Variants in GTF2F2 observed in about 807,000 individuals in gnomAD.
The protein encoded by GTF2F2 is general transcription factor IIF subunit 2, also known as ATP-dependent helicase GTF2F2.
A neutral mutation model predicts 42.2 loss-of-function variants in GTF2F2; 23 were observed. The ratio of observed to expected loss-of-function variants is 0.55; its 90% CI spans 0.39 to 0.77. GTF2F2 has a LOEUF of 0.77. GTF2F2 is among the 30% of genes least tolerant of loss of function. The probability of loss-of-function intolerance (pLI) is 0.00; values close to 1 mark genes in which losing one functional copy is unlikely to be tolerated. For synonymous variants in GTF2F2, 105 were observed against 100.8 expected (o/e 1.04, Z -0.25); for missense variants, 261 against 287.2 (o/e 0.91, Z 0.66).
At chr13:45,255,957 G>A (rs1259997730) in intron 6 of GTF2F2, among the ~76,000 whole-genome samples, 1 of 152,090 alleles carries the variant, frequency 6.6e-6, no homozygotes, top group Non-Finnish European at 1.5e-5. Flanking sequence ...TAGCAGTTTT[G>A]TGTCTAGGAA....
intron 4 of GTF2F2, among the ~76,000 whole-genome samples, chr13:45,182,324 T>G (rs1338070085): frequency 2.0e-5 from 3 of 152,014 alleles, no homozygotes; most frequent in African/African-American, 7.3e-5. Flanking sequence ...CTAACTTTTG[T>G]TACCTCAGGT....
intron 4 of GTF2F2, among the ~76,000 whole-genome samples, chr13:45,205,417 T>C (rs950299435): frequency 1.3e-5 from 2 of 152,214 alleles, no homozygotes; most frequent in African/African-American, 2.4e-5. Flanking sequence ...GAGATTTGGC[T>C]GGGGACACAG....
At chr13:45,194,250 T>A in intron 4 of GTF2F2, 1 of 1,614,150 alleles carries the variant, frequency 6.2e-7, no homozygotes, top group Admixed American at 1.7e-5. Context: ...GAAGTTGATT[T>A]TCTCGAAACC....
chr13:45,149,561 C>T (rs1430086660), intron 2 of GTF2F2, among the ~76,000 whole-genome samples: 1 of 151,920 alleles, frequency 6.6e-6, no homozygotes, highest in Non-Finnish European at 1.5e-5. Context: ...CTCATAATAT[C>T]CAAAATAATG....
chr13:45,245,696 T>TAC (rs1234179773), intron 5 of GTF2F2, among the ~76,000 whole-genome samples: 2 of 63,540 alleles, frequency 3.1e-5, no homozygotes, highest in Non-Finnish European at 5.7e-5. Context: ...TATATATATA[T>TAC]ATATACATAT....
chr13:45,236,789 T>C (rs911689535), intron 5 of GTF2F2, among the ~76,000 whole-genome samples: 1 of 152,292 alleles, frequency 6.6e-6, no homozygotes, highest in South Asian at 2.1e-4. Flanking sequence ...AGAAGAGGAA[T>C]AAAACAGTTA....
Position 45,284,146 on chromosome 13 carries a change from T to G in GTF2F2, c.*585T>G, listed in dbSNP as rs963666514. On this transcript the variant is annotated 3_prime_UTR_variant, in exon 8 of 8. Transcript: ENST00000340473. Reference sequence around the variant, plus strand: ...TTGGCTTATTTTACCGTAGTGATGCTGAGATGAGAAATGTGCAGGATCATG... The same window carrying G: ...TTGGCTTATTTTACCGTAGTGATGCGGAGATGAGAAATGTGCAGGATCATG... 5.9e-5 allele frequency: 9 copies of G among 152,238 alleles called. No individual in the cohort carries two copies. The highest frequency in any genetic ancestry group is 1.2e-4 in the African/African-American group (5 of 41,450). 9.4% of individuals were successfully genotyped at this position (152,238 alleles called of 1,614,324 possible). A position where few individuals can be genotyped will look rare whatever the true frequency, so the allele number is the denominator to read the frequency against.
chr13:45,267,810 A>ATTT (rs201281124), intron 7 of GTF2F2, among the ~76,000 whole-genome samples: 2 of 121,758 alleles, frequency 1.6e-5, no homozygotes, highest in Admixed American at 8.3e-5. Context: ...TTTTCTGTGG[A>ATTT]TTTTTTTTTT....
At chr13:45,137,187 G>C (rs1869674042) in intron 2 of GTF2F2, among the ~76,000 whole-genome samples, 1 of 152,198 alleles carries the variant, frequency 6.6e-6, no homozygotes, top group Non-Finnish European at 1.5e-5. Context: ...CTTTGCCACT[G>C]TACCACTGGG....
chr13:45,238,683 G>T (rs547158213), intron 5 of GTF2F2, among the ~76,000 whole-genome samples: 1 of 152,016 alleles, frequency 6.6e-6, no homozygotes, highest in Non-Finnish European at 1.5e-5. Context: ...AGTGGCTCAC[G>T]CCTGTAATCC....
chr13:45,133,804 C>T (rs1485683418), intron 1 of GTF2F2, among the ~76,000 whole-genome samples: 1 of 152,184 alleles, frequency 6.6e-6, no homozygotes, highest in Non-Finnish European at 1.5e-5. Context: ...TTCAAGCTAG[C>T]CCACCCCTTT....
At chr13:45,136,020 A>C (rs923731072) in intron 1 of GTF2F2, among the ~76,000 whole-genome samples, 3 of 152,260 alleles carry the variant, frequency 2.0e-5, no homozygotes, top group African/African-American at 7.2e-5. Flanking sequence ...CAGTTACAAC[A>C]CAATATAGTG....
chr13:45,228,330 A>C (rs1356006003), intron 5 of GTF2F2, among the ~76,000 whole-genome samples: 3 of 126,176 alleles, frequency 2.4e-5, no homozygotes, highest in African/African-American at 3.5e-5. Context: ...GTTGCCAGAA[A>C]ACAAGGTGAC....
chr13:45,154,176 A>G (rs1419375352), intron 4 of GTF2F2, among the ~76,000 whole-genome samples: 3 of 151,972 alleles, frequency 2.0e-5, no homozygotes, highest in Non-Finnish European at 4.4e-5. Flanking sequence ...AGGTAGAGAA[A>G]CTTGAACTTT....
chr13:45,201,846 A>G (rs1378371493), intron 4 of GTF2F2, among the ~76,000 whole-genome samples: 1 of 152,200 alleles, frequency 6.6e-6, no homozygotes, highest in Non-Finnish European at 1.5e-5. Flanking sequence ...ATATGAATTG[A>G]GCCATTCCAA....
intron 2 of GTF2F2, among the ~76,000 whole-genome samples, chr13:45,142,207 C>T (rs1336814168): frequency 1.3e-5 from 2 of 152,342 alleles, no homozygotes; most frequent in African/African-American, 4.8e-5. Context: ...GGCTCTGTTG[C>T]CCAGGCTGGA....
At chr13:45,249,661 A>C (rs566540456) in intron 5 of GTF2F2, among the ~76,000 whole-genome samples, 19 of 152,208 alleles carry the variant, frequency 1.2e-4, no homozygotes, top group Non-Finnish European at 1.6e-4. Context: ...CAATCATTTA[A>C]TATGGAAGGA....
intron 3 of GTF2F2, among the ~76,000 whole-genome samples, chr13:45,150,886 A>G (rs1479802052): frequency 6.6e-6 from 1 of 152,118 alleles, no homozygotes; most frequent in Admixed American, 6.6e-5. Context: ...TTCTTCAGCT[A>G]CAGACCAGAG....
intron 4 of GTF2F2, among the ~76,000 whole-genome samples, chr13:45,186,437 G>A (rs545659109): frequency 2.6e-5 from 4 of 151,460 alleles, no homozygotes; most frequent in Non-Finnish European, 4.4e-5. Flanking sequence ...GATTTCAGGC[G>A]TCCACCACCA....
Sources: allele counts gnomAD v4.1 joint callset (sites outside exome capture counted in the v4.1 genomes callset), GRCh38; gene constraint gnomAD v4.1.1; transcripts MANE v1.5; gene names NCBI Gene and HGNC (gene_info 2026-07-23, HGNC 2026-07-21).